The following NRG1 variants were observed in gnomAD, a reference collection of about 807,000 sequenced individuals.
NRG1 encodes pro-neuregulin-1, membrane-bound isoform.
A neutral mutation model predicts 63.8 loss-of-function variants in NRG1; 18 were observed. That is an observed-to-expected ratio of 0.28 (90% CI 0.19 to 0.42). NRG1 has a LOEUF of 0.42. Among genes scored for constraint, NRG1 ranks in the 10% least tolerant of loss-of-function variants. The pLI, the probability that NRG1 is intolerant of heterozygous loss-of-function variation, is 1.00. For synonymous variants in NRG1, 302 were observed against 301.3 expected, an observed-to-expected ratio of 1.00 and a Z score of -0.02; for missense variants, 762 against 814.7, an observed-to-expected ratio of 0.94 and a Z score of 0.79.
At chr8:31,686,889 T>A (rs1346552641) in intron 1 of NRG1, among the ~76,000 whole-genome samples, 1 of 152,152 alleles carries the variant, frequency 6.6e-6, no homozygotes, top group African/African-American at 2.4e-5. Context: ...TGTCTCAGCC[T>A]TCTGAGTAGC....
intron 1 of NRG1, among the ~76,000 whole-genome samples, chr8:32,010,457 T>C (rs1026374780): frequency 2.6e-5 from 4 of 152,048 alleles, no homozygotes; most frequent in African/African-American, 9.7e-5. Flanking sequence ...AAAACTACAG[T>C]ATACAGTTCC....
chr8:31,700,786 T>A (rs1810551211), intron 1 of NRG1, among the ~76,000 whole-genome samples: 1 of 152,196 alleles, frequency 6.6e-6, no homozygotes, highest in African/African-American at 2.4e-5. Context: ...AATCTACTCA[T>A]GGATCTGTCA....
chr8:32,324,512 T>C (rs1011388000), intron 1 of NRG1, among the ~76,000 whole-genome samples: 1 of 152,110 alleles, frequency 6.6e-6, no homozygotes, highest in Non-Finnish European at 1.5e-5. Context: ...GGCTTCTAAC[T>C]AATGGGGAAG....
At position 32,073,850 on chromosome 8, in the gene NRG1, A is replaced by AT. The variant is rs1369769613; in HGVS notation, c.37+434426dup. Among the ~76,000 whole-genome samples the AT allele has an allele frequency of 3.3e-5, 5 of 152,190 alleles. No homozygotes were observed. In the South Asian group the frequency reaches 1.0e-3, roughly 32 times the overall value. On this transcript the variant is annotated intron_variant, in intron 1 of 10. Coordinates refer to the NRG1 transcript ENST00000519301. The stretch of plus-strand genomic sequence containing the variant: ...GCAGGCAATCATAGATTAGAAAGTT[A>AT]TTTTTTTCATGTCCTACCTCTTTGA...
At chr8:32,046,279 C>T (rs762329393) in intron 1 of NRG1, among the ~76,000 whole-genome samples, 5 of 152,040 alleles carry the variant, frequency 3.3e-5, no homozygotes, top group South Asian at 2.1e-4. Flanking sequence ...GAAAACAAAA[C>T]GAAAGACCCT....
chr8:32,409,859 G>T (rs923511159), intron 1 of NRG1, among the ~76,000 whole-genome samples: 1 of 152,176 alleles, frequency 6.6e-6, no homozygotes, highest in Admixed American at 6.5e-5. Context: ...AAATTGGAAG[G>T]GTGATGGAGA....
chr8:31,967,585 G>C (rs1236802421), intron 1 of NRG1, among the ~76,000 whole-genome samples: 2 of 152,198 alleles, frequency 1.3e-5, no homozygotes, highest in Non-Finnish European at 2.9e-5. Flanking sequence ...ATTTGTTAAG[G>C]CTTAGCATGC....
At chr8:32,758,330 A>G (rs1235403210) in intron 9 of NRG1, among the ~76,000 whole-genome samples, 1 of 152,122 alleles carries the variant, frequency 6.6e-6, no homozygotes, top group Non-Finnish European at 1.5e-5. Flanking sequence ...TAATGCCAGC[A>G]CTTTGGGAGG....
chr8:31,835,505 C>T lies in NRG1; in HGVS notation c.37+196074C>T, dbSNP rs576705288. ...GTAGTATAGACGCTTGATATTTCAG[C>T]GATGATAATGATGGATAATAATGTG... On this transcript the variant is annotated intron_variant, in intron 1 of 10. Coordinates refer to the NRG1 transcript ENST00000519301. Among the ~76,000 whole-genome samples the T allele has an allele frequency of 7.5e-4, 114 of 152,168 alleles. 1 individual carries two copies. The highest frequency in any genetic ancestry group is 1.3e-3 in the African/African-American group (56 of 41,514).
At chr8:32,736,407 G>A (rs1358190441) in intron 6 of NRG1, among the ~76,000 whole-genome samples, 1 of 152,166 alleles carries the variant, frequency 6.6e-6, no homozygotes, top group Admixed American at 6.5e-5. Context: ...GATACTGTAG[G>A]AAAACAGACC....
At chr8:32,373,686 G>C (rs1048279022) in intron 1 of NRG1, among the ~76,000 whole-genome samples, 2 of 152,112 alleles carry the variant, frequency 1.3e-5, no homozygotes, top group African/African-American at 4.8e-5. Flanking sequence ...GATGAAGCAG[G>C]AGAATCGCTT....
chr8:32,012,479 T>C (rs937364437), intron 1 of NRG1, among the ~76,000 whole-genome samples: 16 of 152,260 alleles, frequency 1.1e-4, no homozygotes, highest in Admixed American at 1.0e-3. Context: ...AGAGACTATG[T>C]GGAATTGCTT....
intron 1 of NRG1, among the ~76,000 whole-genome samples, chr8:31,739,479 A>G (rs1179442372): frequency 6.6e-6 from 1 of 151,612 alleles, no homozygotes; most frequent in African/African-American, 2.4e-5. Flanking sequence ...TACTTTTTTG[A>G]TGGTAAGGGT....
intron 1 of NRG1, among the ~76,000 whole-genome samples, chr8:31,908,035 C>G (rs1324186120): frequency 6.6e-6 from 1 of 152,152 alleles, no homozygotes; most frequent in East Asian, 1.9e-4. Flanking sequence ...TTTTGTCCCA[C>G]CCCTACCCAT....
At chr8:32,663,001 A>C (rs2128877854) in intron 5 of NRG1, among the ~76,000 whole-genome samples, 1 of 152,340 alleles carries the variant, frequency 6.6e-6, no homozygotes, top group Admixed American at 6.5e-5. Context: ...GAAAAGTTGC[A>C]GTGAAATTGA....
chr8:32,156,061 A>G (rs1399651122), intron 1 of NRG1, among the ~76,000 whole-genome samples: 1 of 152,178 alleles, frequency 6.6e-6, no homozygotes. Flanking sequence ...TCTGGTCTTA[A>G]AGACCCGATT....
intron 1 of NRG1, among the ~76,000 whole-genome samples, chr8:32,373,419 A>T (rs1809187149): frequency 6.6e-6 from 1 of 152,240 alleles, no homozygotes; most frequent in Non-Finnish European, 1.5e-5. Flanking sequence ...ATGTATCTTT[A>T]AAAAGACTCA....
intron 1 of NRG1, among the ~76,000 whole-genome samples, chr8:31,700,628 C>G (rs554706336): frequency 6.6e-6 from 1 of 152,072 alleles, no homozygotes; most frequent in Non-Finnish European, 1.5e-5. Flanking sequence ...CATCAGGGTG[C>G]CTGGTAGAAA....
chr8:32,640,531 AAC>A (rs1043062577), intron 5 of NRG1, among the ~76,000 whole-genome samples: 2 of 151,610 alleles, frequency 1.3e-5, no homozygotes, highest in Admixed American at 6.6e-5. Flanking sequence ...TTGATAAGAA[AAC>A]ACAGATAATA....
Sources: gnomAD v4.1 joint callset for allele counts (sites outside exome capture counted in the v4.1 genomes callset) on GRCh38, gnomAD v4.1.1 for gene constraint, MANE v1.5 for transcripts, NCBI Gene and HGNC (gene_info 2026-07-23, HGNC 2026-07-21) for gene names.